The following ATG4A variants were observed in gnomAD, a reference collection of about 807,000 sequenced individuals.
ATG4A encodes autophagy related 4A cysteine peptidase, also known as cysteine protease ATG4A.
A neutral mutation model predicts 38.4 loss-of-function variants in ATG4A; 22 were observed. The observed-to-expected ratio is 0.57, with a 90% CI of 0.41 to 0.82. ATG4A has a LOEUF of 0.82. Ranked by LOEUF, ATG4A falls within the 40% of genes least tolerant of loss-of-function variation. ATG4A has a pLI of 0.00. For missense variants in ATG4A, 220 were observed against 290.0 expected, an observed-to-expected ratio of 0.76 and a Z score of 1.75; for synonymous variants, 86 against 100.7, an observed-to-expected ratio of 0.85 and a Z score of 0.88.
intron 1 of ATG4A, among the ~76,000 whole-genome samples, chrX:108,110,398 A>T (rs765680101): frequency 9.1e-6 from 1 of 109,932 alleles, no homozygotes; most frequent in South Asian, 4.0e-4. Context: ...TATAGTGATC[A>T]GATCAGGGTA....
chrX:108,123,430 C>T (rs2032711247), intron 1 of ATG4A, among the ~76,000 whole-genome samples: 1 of 112,082 alleles, frequency 8.9e-6, no homozygotes, highest in Non-Finnish European at 1.9e-5. Context: ...ACTTCTGTAC[C>T]TCATCCACTT....
chrX:108,099,390 A>T (rs1392986522), intron 1 of ATG4A, among the ~76,000 whole-genome samples: 2 of 111,317 alleles, frequency 1.8e-5, no homozygotes, highest in Admixed American at 1.9e-4. Flanking sequence ...TGTATTCTAG[A>T]TACCAGTTCT....
chrX:108,110,393 T>C (rs762266194), intron 1 of ATG4A, among the ~76,000 whole-genome samples: 1 of 109,160 alleles, frequency 9.2e-6, no homozygotes, highest in South Asian at 4.0e-4. Context: ...AAATGTATAG[T>C]GATCAGATCA....
intron 1 of ATG4A, among the ~76,000 whole-genome samples, chrX:108,115,729 A>T (rs1286387284): frequency 8.9e-6 from 1 of 112,264 alleles, no homozygotes; most frequent in Non-Finnish European, 1.9e-5. Flanking sequence ...CTTGGTGAAC[A>T]TAAGCACTCA....
upstream of ATG4A, among the ~76,000 whole-genome samples, chrX:108,089,065 G>T (rs772188412): frequency 8.9e-6 from 1 of 112,350 alleles, no homozygotes; most frequent in Admixed American, 9.4e-5. Context: ...ACGTAATTCT[G>T]GGCAGAATAC....
chrX:108,145,019 T>A (rs2033389592), intron 9 of ATG4A, among the ~76,000 whole-genome samples: 1 of 112,139 alleles, frequency 8.9e-6, no homozygotes, highest in Non-Finnish European at 1.9e-5. Flanking sequence ...TCTTTCTTGG[T>A]TGTAGGAGGG....
intron 1 of ATG4A, among the ~76,000 whole-genome samples, chrX:108,121,511 C>G (rs2032647960): frequency 9.0e-6 from 1 of 110,610 alleles, no homozygotes; most frequent in Non-Finnish European, 1.9e-5. Flanking sequence ...CTCTCCCCTG[C>G]CCCACCCTAC....
At chrX:108,141,719 AGGTGGTT>A (rs1339736660) in intron 9 of ATG4A, among the ~76,000 whole-genome samples, 1 of 111,975 alleles carries the variant, frequency 8.9e-6, no homozygotes, top group African/African-American at 3.3e-5. Flanking sequence ...CTGTCTCTGC[AGGTGGTT>A]GGTCAGCCTG....
intron 1 of ATG4A, among the ~76,000 whole-genome samples, chrX:108,122,717 A>T (rs191502894): frequency 1.8e-5 from 2 of 112,080 alleles, no homozygotes; most frequent in East Asian, 5.6e-4. Context: ...CCTTTTCCCC[A>T]GGGCCTTTCT....
chrX:108,093,870 G>A (rs907023530), intron 1 of ATG4A, among the ~76,000 whole-genome samples: 1 of 111,658 alleles, frequency 9.0e-6, no homozygotes, highest in African/African-American at 3.3e-5. Flanking sequence ...ATCTTCTTCA[G>A]TGAAGTGTCT....
intron 1 of ATG4A, among the ~76,000 whole-genome samples, chrX:108,098,010 G>T (rs777053274): frequency 9.0e-6 from 1 of 111,432 alleles, no homozygotes; most frequent in Non-Finnish European, 1.9e-5. Context: ...TGTGCACAAC[G>T]TGCAGGTTTG....
chrX:108,126,037 C>G (rs774327918), intron 1 of ATG4A, 40 bp from the exon 2 acceptor site: 5 of 951,929 alleles, frequency 5.3e-6, no homozygotes, highest in Non-Finnish European at 7.4e-6. Flanking sequence ...AGATAAGCCC[C>G]TTCTATTAAA....
intron 9 of ATG4A, among the ~76,000 whole-genome samples, chrX:108,146,544 A>G (rs2033426707): frequency 9.0e-6 from 1 of 111,693 alleles, no homozygotes; most frequent in Non-Finnish European, 1.9e-5. Context: ...TAAATTTTGT[A>G]GTTGAGTGAT....
Position 108,091,840 on chromosome X carries a change from C to G in ATG4A, c.10+4C>G, listed in dbSNP as rs1275090437. 1.9e-5 allele frequency: 23 copies of G among 1,211,295 alleles called. No homozygotes were observed. Among genetic ancestry groups the G allele is most frequent in the Non-Finnish European group, 2.6e-5 (23 of 895,395 alleles). Reference sequence around the variant, plus strand: ...GACAGCTGGAGAATGGAGTCAGGTACGGGGAGCGGCTTTGAGTGGAACCGT... The same window carrying G: ...GACAGCTGGAGAATGGAGTCAGGTAGGGGGAGCGGCTTTGAGTGGAACCGT... On this transcript the variant is annotated splice_donor_region_variant and intron_variant, in intron 1 of 12. Transcript: ENST00000372232.
At chrX:108,115,622 A>AT (rs1162063980) in intron 1 of ATG4A, among the ~76,000 whole-genome samples, 1 of 112,215 alleles carries the variant, frequency 8.9e-6, no homozygotes, top group Non-Finnish European at 1.9e-5. Context: ...TACACCACAA[A>AT]TTTTTTAATC....
chrX:108,139,195 G>A (rs1055247549), intron 9 of ATG4A, among the ~76,000 whole-genome samples: 18 of 111,794 alleles, frequency 1.6e-4, no homozygotes, highest in Admixed American at 5.7e-4. Flanking sequence ...GGACATTCAG[G>A]GAGGTGAGGT....
chrX:108,125,046 T>A (rs1237778673), intron 1 of ATG4A, among the ~76,000 whole-genome samples: 1 of 112,168 alleles, frequency 8.9e-6, no homozygotes, highest in Non-Finnish European at 1.9e-5. Context: ...CCATAAACTG[T>A]GAAATAAACT....
At position 108,126,067 on chromosome X, in the gene ATG4A, T is replaced by C; in HGVS notation, c.11-10T>C. 2 of 1,134,277 alleles carry C rather than the reference T, an allele frequency of 1.8e-6. No homozygotes were observed. Among genetic ancestry groups the C allele is most frequent in the Non-Finnish European group, 2.4e-6 (2 of 830,882 alleles). The allele number at this position is 1,134,277 out of a possible 1,213,427, so 93.5% of individuals were successfully genotyped here. On this transcript the variant is annotated splice_polypyrimidine_tract_variant and intron_variant, in intron 1 of 12. Transcript: ENST00000372232. ...ATTAAATTTTACTTGTTTCTTTCCT[T>C]TTCTTTCAGTTTTATCCAAGTATGA...
rs1160404336 is a variant in ATG4A, at chrX:108,138,001, T to G, written c.735+10T>G. 5.0e-6 allele frequency: 6 copies of G among 1,201,775 alleles called. No individual in the cohort carries two copies. The highest frequency in any genetic ancestry group is 6.7e-6 in the Non-Finnish European group (6 of 889,781). On this transcript the variant is annotated intron_variant, in intron 8 of 12. Coordinates refer to ENST00000372232, the MANE Select transcript of ATG4A (RefSeq NM_052936.5). ...TGTTGATGCATTCAAAGTAAGTCAC[T>G]TCTTTCCCTGAGCCCATTGCTGCCT...
Sources: gnomAD v4.1 joint callset for allele counts (sites outside exome capture counted in the v4.1 genomes callset) on GRCh38, gnomAD v4.1.1 for gene constraint, MANE v1.5 for transcripts, NCBI Gene and HGNC (gene_info 2026-07-23, HGNC 2026-07-21) for gene names.